Variants in GALNT17 observed in about 807,000 individuals in gnomAD.
GALNT17 encodes UDP-GalNAc:polypeptide N-acetylgalactosaminyltransferase-like 3.
In GALNT17, 29 loss-of-function variants were observed where a neutral mutation model predicts 63.7. That is an observed-to-expected ratio of 0.46 (90% CI 0.34 to 0.62). GALNT17 has a LOEUF of 0.62. Ranked by LOEUF, GALNT17 falls within the 20% of genes least tolerant of loss-of-function variation. GALNT17 has a pLI of 0.01. For missense variants in GALNT17, 603 were observed against 799.6 expected (o/e 0.75, Z 2.97); for synonymous variants, 305 against 318.3 (o/e 0.96, Z 0.45).
intron 5 of GALNT17, among the ~76,000 whole-genome samples, chr7:71,552,774 A>G (rs1055684634): frequency 2.6e-5 from 4 of 152,024 alleles, no homozygotes; most frequent in Non-Finnish European, 5.9e-5. Flanking sequence ...GACTTTTTGT[A>G]TTTTAGCCAA....
intron 3 of GALNT17, among the ~76,000 whole-genome samples, chr7:71,395,852 T>G (rs1419222685): frequency 6.6e-6 from 1 of 152,230 alleles, no homozygotes; most frequent in Non-Finnish European, 1.5e-5. Flanking sequence ...CTAATTATTT[T>G]GAGCATCTTT....
intron 2 of GALNT17, among the ~76,000 whole-genome samples, chr7:71,376,902 A>G (rs374655479): frequency 2.6e-5 from 4 of 151,240 alleles, no homozygotes; most frequent in African/African-American, 9.7e-5. Flanking sequence ...CCTGGCCAAC[A>G]TGGTGAAACC....
At chr7:71,549,090 A>T (rs1351808256) in intron 5 of GALNT17, among the ~76,000 whole-genome samples, 1 of 152,122 alleles carries the variant, frequency 6.6e-6, no homozygotes, top group East Asian at 1.9e-4. Context: ...GTGTGCTGTG[A>T]TCTTCAGGAG....
intron 9 of GALNT17, among the ~76,000 whole-genome samples, chr7:71,685,185 C>T (rs1222173391): frequency 2.0e-5 from 3 of 152,112 alleles, no homozygotes; most frequent in Admixed American, 6.6e-5. Context: ...AGGAATGGAA[C>T]ATGAAAGCCC....
intron 5 of GALNT17, among the ~76,000 whole-genome samples, chr7:71,516,196 C>T (rs1327738479): frequency 6.6e-6 from 1 of 151,774 alleles, no homozygotes; most frequent in Non-Finnish European, 1.5e-5. Context: ...TGAAGGAGGC[C>T]ATTTGGGGAG....
intron 6 of GALNT17, among the ~76,000 whole-genome samples, chr7:71,582,594 A>G (rs1789652595): frequency 6.6e-6 from 1 of 152,088 alleles, no homozygotes; most frequent in Admixed American, 6.6e-5. Context: ...AAAGAAAAAA[A>G]AGAATCTGTG....
intron 5 of GALNT17, among the ~76,000 whole-genome samples, chr7:71,545,144 A>T (rs2116816438): frequency 6.6e-6 from 1 of 152,200 alleles, no homozygotes; most frequent in South Asian, 2.1e-4. Context: ...CATTGAACTT[A>T]TCTCTCGTCC....
At chr7:71,356,443 A>G (rs1792287116) in intron 2 of GALNT17, among the ~76,000 whole-genome samples, 1 of 152,158 alleles carries the variant, frequency 6.6e-6, no homozygotes, top group Admixed American at 6.5e-5. Context: ...CAAGCATGAC[A>G]CCAGCATTTG....
At chr7:71,390,095 A>G (rs762338666) in intron 3 of GALNT17, among the ~76,000 whole-genome samples, 2 of 152,182 alleles carry the variant, frequency 1.3e-5, no homozygotes, top group African/African-American at 2.4e-5. Context: ...AGCCAGCTAG[A>G]GTGAGTGCCT....
At chr7:71,544,188 G>T (rs1788942244) in intron 5 of GALNT17, among the ~76,000 whole-genome samples, 1 of 146,944 alleles carries the variant, frequency 6.8e-6, no homozygotes, top group South Asian at 2.2e-4. Flanking sequence ...CTGGAGTGCA[G>T]TGATGCAATC....
At chr7:71,628,581 C>T (rs995112957) in intron 6 of GALNT17, among the ~76,000 whole-genome samples, 14 of 152,272 alleles carry the variant, frequency 9.2e-5, no homozygotes, top group Admixed American at 3.9e-4. Flanking sequence ...CCTTGGCCTC[C>T]GAAAGTGCTG....
chr7:71,391,416 G>C (rs921105559), intron 3 of GALNT17, among the ~76,000 whole-genome samples: 1 of 152,200 alleles, frequency 6.6e-6, no homozygotes, highest in South Asian at 2.1e-4. Flanking sequence ...GGTTCAGTAG[G>C]TGTATTAGTC....
At chr7:71,290,425 A>T (rs528043982) in intron 1 of GALNT17, among the ~76,000 whole-genome samples, 1 of 152,234 alleles carries the variant, frequency 6.6e-6, no homozygotes, top group Non-Finnish European at 1.5e-5. Flanking sequence ...GATGCTATAA[A>T]AATACATGCA....
intron 5 of GALNT17, among the ~76,000 whole-genome samples, chr7:71,524,083 G>A (rs1584024369): frequency 1.3e-5 from 2 of 151,136 alleles, no homozygotes; most frequent in African/African-American, 2.4e-5. Flanking sequence ...ACACCATTGC[G>A]CTTCAGCCTG....
At chr7:71,656,275 T>C (rs541741530) in intron 6 of GALNT17, among the ~76,000 whole-genome samples, 1 of 152,236 alleles carries the variant, frequency 6.6e-6, no homozygotes, top group East Asian at 1.9e-4. Flanking sequence ...TGCTAGCATG[T>C]TATAGGGAAC....
intron 5 of GALNT17, among the ~76,000 whole-genome samples, chr7:71,567,918 AC>A (rs1242323869): frequency 1.2e-4 from 19 of 152,342 alleles, no homozygotes; most frequent in East Asian, 3.9e-4. Flanking sequence ...CCACATGGGT[AC>A]CAAGTGGCTT....
At chr7:71,574,733 G>C (rs1308980932) in intron 6 of GALNT17, among the ~76,000 whole-genome samples, 4 of 152,234 alleles carry the variant, frequency 2.6e-5, no homozygotes, top group African/African-American at 9.6e-5. Context: ...TACTGAATCA[G>C]AAACTCTGGA....
intron 2 of GALNT17, among the ~76,000 whole-genome samples, chr7:71,376,690 G>A (rs1040194931): frequency 2.0e-5 from 3 of 151,860 alleles, no homozygotes; most frequent in African/African-American, 7.3e-5. Flanking sequence ...AGTGGCCCAC[G>A]CATGTAATCC....
chr7:71,270,133 G>A (rs1048188940), intron 1 of GALNT17, among the ~76,000 whole-genome samples: 6 of 152,158 alleles, frequency 3.9e-5, no homozygotes, highest in Admixed American at 1.3e-4. Context: ...TTTTAGCCCC[G>A]TTTTACAGAG....
Sources: allele counts gnomAD v4.1 joint callset (sites outside exome capture counted in the v4.1 genomes callset), GRCh38; gene constraint gnomAD v4.1.1; transcripts MANE v1.5; gene names NCBI Gene and HGNC (gene_info 2026-07-23, HGNC 2026-07-21).